NAALADL2: variants seen among roughly 807,000 people sequenced by gnomAD.
NAALADL2 encodes the protein inactive N-acetylated-alpha-linked acidic dipeptidase-like protein 2.
NAALADL2 carries 76 observed loss-of-function variants against 87.2 expected under a neutral mutation model. The ratio of observed to expected loss-of-function variants is 0.87; its 90% CI spans 0.72 to 1.05. NAALADL2 has a LOEUF of 1.05. Among genes scored for constraint, NAALADL2 ranks in the 50% least tolerant of loss-of-function variants. The pLI, the probability that NAALADL2 is intolerant of heterozygous loss-of-function variation, is 0.00. For missense variants in NAALADL2, 1,089 were observed against 945.8 expected, an observed-to-expected ratio of 1.15 and a Z score of -1.99; for synonymous variants, 354 against 331.0, an observed-to-expected ratio of 1.07 and a Z score of -0.75.
intron 2 of NAALADL2, among the ~76,000 whole-genome samples, chr3:175,121,984 G>A (rs948790445): frequency 6.6e-6 from 1 of 151,678 alleles, no homozygotes; most frequent in Non-Finnish European, 1.5e-5. Context: ...TGCCACAATG[G>A]CGACACATTG....
intron 1 of NAALADL2, among the ~76,000 whole-genome samples, chr3:174,945,524 A>G (rs1739280203): frequency 2.0e-5 from 3 of 152,186 alleles, no homozygotes; most frequent in Admixed American, 2.0e-4. Context: ...AGCTACCCAA[A>G]TTTCCTGGAT....
At chr3:175,311,473 T>C (rs1338393588) in intron 4 of NAALADL2, among the ~76,000 whole-genome samples, 1 of 152,180 alleles carries the variant, frequency 6.6e-6, no homozygotes, top group African/African-American at 2.4e-5. Flanking sequence ...CCTGACATCA[T>C]GGTTGCTTTA....
chr3:175,440,517 C>T (rs1379005917), intron 5 of NAALADL2, among the ~76,000 whole-genome samples: 1 of 152,104 alleles, frequency 6.6e-6, no homozygotes, highest in Non-Finnish European at 1.5e-5. Flanking sequence ...CATCCATGAT[C>T]ATAGGATGTG....
intron 1 of NAALADL2, among the ~76,000 whole-genome samples, chr3:175,062,822 T>C (rs1316530411): frequency 3.3e-5 from 5 of 152,126 alleles, no homozygotes; most frequent in Admixed American, 3.3e-4. Context: ...TAGCAAGCAC[T>C]CACAGACTCT....
intron 11 of NAALADL2, among the ~76,000 whole-genome samples, chr3:175,652,343 G>A (rs907830929): frequency 6.6e-6 from 1 of 152,026 alleles, no homozygotes; most frequent in African/African-American, 2.4e-5. Context: ...ATTAAGGAGG[G>A]AGAATTTTAA....
At chr3:175,535,720 T>C (rs982378146) in intron 9 of NAALADL2, among the ~76,000 whole-genome samples, 5 of 152,170 alleles carry the variant, frequency 3.3e-5, no homozygotes, top group Admixed American at 2.0e-4. Flanking sequence ...TAGGAACATA[T>C]ACTTTAAATG....
intron 1 of NAALADL2, among the ~76,000 whole-genome samples, chr3:174,966,936 G>A (rs1397394801): frequency 1.3e-5 from 2 of 152,072 alleles, no homozygotes; most frequent in East Asian, 3.9e-4. Context: ...CATAAAGGTG[G>A]AAAAAATAAA....
intron 1 of NAALADL2, among the ~76,000 whole-genome samples, chr3:175,095,526 T>C (rs1475030527): frequency 6.6e-6 from 1 of 152,076 alleles, no homozygotes; most frequent in African/African-American, 2.4e-5. Context: ...GTTTTTATTT[T>C]ATAAAATTTA....
At chr3:175,091,702 T>C (rs1720164291) in intron 1 of NAALADL2, among the ~76,000 whole-genome samples, 1 of 152,072 alleles carries the variant, frequency 6.6e-6, no homozygotes, top group Admixed American at 6.6e-5. Flanking sequence ...TCCTGGAATA[T>C]TAAACAGAAT....
chr3:174,445,287 G>A (rs771022445), intron 1 of NAALADL2, among the ~76,000 whole-genome samples: 3 of 151,990 alleles, frequency 2.0e-5, no homozygotes, highest in African/African-American at 7.2e-5. Flanking sequence ...TATCAGACAC[G>A]CAAAGGTAGA....
chr3:174,772,148 T>G (rs1158285796), intron 3 of NAALADL2, among the ~76,000 whole-genome samples: 1 of 152,168 alleles, frequency 6.6e-6, no homozygotes, highest in East Asian at 1.9e-4. Context: ...AATCAGTGGG[T>G]TAATTCTAAT....
chr3:174,670,387 A>G (rs572655327), intron 2 of NAALADL2, among the ~76,000 whole-genome samples: 128 of 152,216 alleles, frequency 8.4e-4, no homozygotes, highest in African/African-American at 3.0e-3. Flanking sequence ...GAAAACCACA[A>G]GAGTTTTATT....
intron 2 of NAALADL2, among the ~76,000 whole-genome samples, chr3:175,170,200 A>G (rs1485736195): frequency 6.6e-6 from 1 of 151,692 alleles, no homozygotes; most frequent in Non-Finnish European, 1.5e-5. Context: ...TAGAATAACA[A>G]TTGCAAAATC....
chr3:174,931,286 T>G (rs1482803431), intron 1 of NAALADL2, among the ~76,000 whole-genome samples: 1 of 152,148 alleles, frequency 6.6e-6, no homozygotes, highest in African/African-American at 2.4e-5. Flanking sequence ...GTTAAGATCA[T>G]GGGTTCTGGA....
At chr3:174,866,453 A>G (rs1464958589) in intron 1 of NAALADL2, among the ~76,000 whole-genome samples, 2 of 151,874 alleles carry the variant, frequency 1.3e-5, no homozygotes, top group East Asian at 3.8e-4. Flanking sequence ...ATTTAAAAAT[A>G]TAGATTGTAC....
intron 2 of NAALADL2, among the ~76,000 whole-genome samples, chr3:174,552,297 C>T (rs1712220940): frequency 6.6e-6 from 1 of 152,118 alleles, no homozygotes; most frequent in Non-Finnish European, 1.5e-5. Context: ...GATTAATTGA[C>T]ATGACTAGTA....
intron 1 of NAALADL2, among the ~76,000 whole-genome samples, chr3:175,006,309 C>T (rs1749011307): frequency 6.6e-6 from 1 of 152,136 alleles, no homozygotes; most frequent in Non-Finnish European, 1.5e-5. Flanking sequence ...TTGTTATTCC[C>T]TTTCTTTGTA....
At chr3:174,582,756 AT>A (rs1222996441) in intron 2 of NAALADL2, among the ~76,000 whole-genome samples, 1 of 151,652 alleles carries the variant, frequency 6.6e-6, no homozygotes, top group African/African-American at 2.4e-5. Context: ...TAATTTTTAT[AT>A]TTTTTTAGTA....
At chr3:174,812,921 A>G (rs1425826087) in intron 3 of NAALADL2, among the ~76,000 whole-genome samples, 1 of 152,194 alleles carries the variant, frequency 6.6e-6, no homozygotes, top group Non-Finnish European at 1.5e-5. Context: ...AAAAGAATCA[A>G]AAAAGTAAAG....
Sources: gnomAD v4.1 joint callset for allele counts (sites outside exome capture counted in the v4.1 genomes callset) on GRCh38, gnomAD v4.1.1 for gene constraint, MANE v1.5 for transcripts, NCBI Gene and HGNC (gene_info 2026-07-23, HGNC 2026-07-21) for gene names.